The following SETD5 variants were observed in gnomAD, a reference collection of about 807,000 sequenced individuals.
The protein encoded by SETD5 is SET domain containing 5, also known as histone-lysine N-methyltransferase SETD5.
Under a neutral mutation model 153.3 loss-of-function variants are expected in SETD5, and 44 were observed. The observed-to-expected ratio is 0.29, with a 90% CI of 0.23 to 0.37. SETD5 has a LOEUF of 0.37. Among genes scored for constraint, SETD5 ranks in the 10% least tolerant of loss-of-function variants. The pLI is 1.00. For synonymous variants in SETD5, 716 were observed against 645.2 expected (o/e 1.11, Z -1.66); for missense variants, 1,544 against 1,768.0 (o/e 0.87, Z 2.27).
rs767182696 is a variant in SETD5, at chr3:9,476,020, G to T, written c.4258G>T (p.Gly1420Trp). 5 of 1,614,042 alleles carry T rather than the reference G, an allele frequency of 3.1e-6. No homozygotes were observed. The highest frequency in any genetic ancestry group is 1.7e-5 in the Admixed American group (1 of 60,038). Residue 1420 changes from glycine to tryptophan, a missense_variant, in exon 23 of 23, where the codon GGG becomes TGG. This residue lies in a region of SETD5 where 302 missense variants were observed against 277.6 expected (regional missense o/e 1.09). Coordinates refer to ENST00000402198, the MANE Select transcript of SETD5 (RefSeq NM_001080517.3). The stretch of plus-strand genomic sequence containing the variant: ...ACAGCACTACCCACACCGTGGGAGT[G>T]GGGGTGTGCACCAGTACCGACTCCA... ...NSQHYPHRGS[G>W]GVHQYRLQPL...
intron 11 of SETD5, among the ~76,000 whole-genome samples, chr3:9,444,042 C>A (rs1479602019): frequency 6.6e-6 from 1 of 152,078 alleles, no homozygotes; most frequent in Non-Finnish European, 1.5e-5. Context: ...AGCCTGGCAA[C>A]AGAGGGAGAC....
intron 17 of SETD5, among the ~76,000 whole-genome samples, chr3:9,456,890 T>C (rs2648579): frequency 0.99 from 150,550 of 152,222 alleles, 74,455 homozygotes; most frequent in Middle Eastern, 1. Context: ...GCAGGAGGAT[T>C]GCTTGAACCT....
chr3:9,460,258 A>T (rs145967960), intron 17 of SETD5, among the ~76,000 whole-genome samples: 61 of 150,214 alleles, frequency 4.1e-4, no homozygotes, highest in African/African-American at 1.4e-3. Flanking sequence ...TTTTATTCAT[A>T]GTAGTAAAAA....
chr3:9,462,314 G>A (rs948298188), intron 17 of SETD5, among the ~76,000 whole-genome samples: 1 of 152,210 alleles, frequency 6.6e-6, no homozygotes, highest in Non-Finnish European at 1.5e-5. Flanking sequence ...GGAGCCAGGC[G>A]CGGTGGCTCA....
At chr3:9,448,082 C>T in intron 15 of SETD5, 76 bp downstream of exon 15, 4 of 1,422,358 alleles carry the variant, frequency 2.8e-6, no homozygotes, top group African/African-American at 1.4e-5. Context: ...CCTATAATCC[C>T]TAGAAGAAAC....
intron 18 of SETD5, among the ~76,000 whole-genome samples, chr3:9,469,628 G>A (rs939678398): frequency 2.0e-5 from 3 of 152,180 alleles, no homozygotes; most frequent in Non-Finnish European, 4.4e-5. Flanking sequence ...CTAAGATAAC[G>A]TAATTTGAAG....
intron 17 of SETD5, 64 bp from the exon 18 acceptor site, chr3:9,464,361 T>A: frequency 1.3e-6 from 2 of 1,555,762 alleles, no homozygotes; most frequent in Non-Finnish European, 1.7e-6. Context: ...GATTAATGGC[T>A]TTACTGTAGA....
At chr3:9,441,156 C>T (rs2041230422) in intron 8 of SETD5, among the ~76,000 whole-genome samples, 2 of 152,030 alleles carry the variant, frequency 1.3e-5, no homozygotes, top group Admixed American at 1.3e-4. Flanking sequence ...TTATAGTAAG[C>T]TATGATTGCA....
chr3:9,437,519 T>C (rs1438455733), intron 7 of SETD5, among the ~76,000 whole-genome samples: 1 of 122,872 alleles, frequency 8.1e-6, no homozygotes, highest in African/African-American at 4.6e-5. Context: ...GTATCCTCCT[T>C]TACGTGTGTG....
At chr3:9,456,667 G>A (rs1005238663) in intron 17 of SETD5, among the ~76,000 whole-genome samples, 1 of 151,684 alleles carries the variant, frequency 6.6e-6, no homozygotes, top group African/African-American at 2.4e-5. Flanking sequence ...GAGTATTTGT[G>A]GATTAATAAA....
At chr3:9,432,442 G>GA (rs1479481021) in intron 3 of SETD5, 3 of 263,894 alleles carry the variant, frequency 1.1e-5, no homozygotes, top group Non-Finnish European at 1.8e-5. Flanking sequence ...CTTTAAGCAG[G>GA]AAAAAATGAC....
chr3:9,411,913 A>T (rs1394639470), intron 1 of SETD5, among the ~76,000 whole-genome samples: 6 of 152,194 alleles, frequency 3.9e-5, no homozygotes, highest in African/African-American at 1.4e-4. Context: ...TCACAAGTAT[A>T]CCAGTGCTTA....
chr3:9,404,336 G>T (rs986468483), intron 1 of SETD5, among the ~76,000 whole-genome samples: 1 of 152,156 alleles, frequency 6.6e-6, no homozygotes, highest in Non-Finnish European at 1.5e-5. Flanking sequence ...AAAACTGGAT[G>T]TGTTACTACT....
chr3:9,402,468 G>A (rs1311837144), intron 1 of SETD5, among the ~76,000 whole-genome samples: 1 of 152,152 alleles, frequency 6.6e-6, no homozygotes, highest in Non-Finnish European at 1.5e-5. Context: ...CATTAAGTAT[G>A]TTTGATATGA....
intron 1 of SETD5, among the ~76,000 whole-genome samples, chr3:9,422,378 C>T (rs1453293670): frequency 6.6e-6 from 1 of 152,074 alleles, no homozygotes; most frequent in Non-Finnish European, 1.5e-5. Flanking sequence ...ATGAAATATA[C>T]TTTCTGTCTC....
At chr3:9,435,935 A>G in intron 7 of SETD5, 29 bp downstream of exon 7, 1 of 1,522,702 alleles carries the variant, frequency 6.6e-7, no homozygotes. Flanking sequence ...TCTTAAATAG[A>G]AATTGTCTGA....
intron 1 of SETD5, among the ~76,000 whole-genome samples, chr3:9,414,790 G>A (rs1172807261): frequency 2.0e-5 from 3 of 151,806 alleles, no homozygotes; most frequent in East Asian, 3.9e-4. Flanking sequence ...GTCTTCAATG[G>A]ATTTGTTAAA....
intron 11 of SETD5, among the ~76,000 whole-genome samples, chr3:9,444,321 A>G (rs2041673954): frequency 1.3e-5 from 2 of 152,192 alleles, no homozygotes; most frequent in Non-Finnish European, 2.9e-5. Context: ...CCCAGGTATA[A>G]GGAAAAAAGA....
intron 11 of SETD5, among the ~76,000 whole-genome samples, chr3:9,443,978 C>T (rs1439441560): frequency 6.6e-6 from 1 of 152,230 alleles, no homozygotes; most frequent in East Asian, 1.9e-4. Context: ...AGGAGAATCA[C>T]TCGAACCTGA....
Sources: allele counts gnomAD v4.1 joint callset (sites outside exome capture counted in the v4.1 genomes callset), GRCh38; gene constraint gnomAD v4.1.1; regional missense constraint gnomAD v4.1.1; transcripts MANE v1.5; gene names NCBI Gene and HGNC (gene_info 2026-07-23, HGNC 2026-07-21).